GPR107: variants seen among roughly 807,000 people sequenced by gnomAD.
The protein encoded by GPR107 is protein GPR107.
In GPR107, 31 loss-of-function variants were observed where a neutral mutation model predicts 75.5. The ratio of observed to expected loss-of-function variants is 0.41; its 90% CI spans 0.31 to 0.55. The LOEUF (loss-of-function observed/expected upper bound fraction) is 0.55. GPR107 is among the 20% of genes least tolerant of loss of function. The probability of loss-of-function intolerance (pLI) is 0.26; values close to 1 mark genes in which losing one functional copy is unlikely to be tolerated. For missense variants in GPR107, 572 were observed against 665.7 expected (o/e 0.86, Z 1.55); for synonymous variants, 267 against 251.3 (o/e 1.06, Z -0.59).
intron 5 of GPR107, among the ~76,000 whole-genome samples, chr9:130,083,147 C>A (rs1221620788): frequency 1.3e-5 from 2 of 151,796 alleles, no homozygotes; most frequent in Non-Finnish European, 2.9e-5. Flanking sequence ...TCTCAAACTC[C>A]TGACCTCAGG....
intron 14 of GPR107, among the ~76,000 whole-genome samples, chr9:130,117,917 T>A (rs1375560730): frequency 6.6e-6 from 1 of 152,226 alleles, no homozygotes; most frequent in Admixed American, 6.5e-5. Context: ...TACTGCCTGC[T>A]CTTGGGCATC....
In GPR107 at chr9:130,135,080, G is replaced by A. The variant is rs781999434; in HGVS notation, c.1618G>A (p.Gly540Ser). 29 of 1,611,312 alleles carry A rather than the reference G, an allele frequency of 1.8e-5. No homozygotes were observed. The highest frequency in any genetic ancestry group is 2.2e-5 in the South Asian group (2 of 90,962). ...GAAGAAAGTCAAGAAGGTGACCAAC[G>A]GCTCCGTGGAGCCCCAGGGCGAGTG... ...SMKKVKKVTN[G>S]SVEPQGEWEG... Residue 540 changes from glycine to serine, a missense_variant, in exon 18 of 18, where the codon GGC becomes AGC. Physicochemically the swap from Gly to Ser is moderately conservative, Grantham distance 56. Coordinates refer to ENST00000347136, the MANE Select transcript of GPR107 (RefSeq NM_020960.5).
intron 14 of GPR107, among the ~76,000 whole-genome samples, chr9:130,114,029 C>CTTTTTTTTTTTTTTTTTTTTATT (rs60616601): frequency 5.5e-5 from 5 of 90,660 alleles, no homozygotes; most frequent in South Asian, 4.3e-4. Context: ...TCTTCTCATT[C>CTTTTTTTTTTTTTTTTTTTTATT]TTTTTTTTTT....
At chr9:130,069,312 G>A (rs546698801) in intron 1 of GPR107, among the ~76,000 whole-genome samples, 1 of 152,276 alleles carries the variant, frequency 6.6e-6, no homozygotes, top group South Asian at 2.1e-4. Flanking sequence ...GAAATCCTTG[G>A]TGAAACAGGC....
rs782293498 is a variant in GPR107 at position 130,136,754 on chromosome 9, T to C, written c.*1633T>C. The stretch of plus-strand genomic sequence containing the variant: ...TCTTTTTCTGCACTTTGATTCGCCA[T>C]CTGGGTTCTGTAGGGTGCTCTGAAG... On this transcript the variant is annotated 3_prime_UTR_variant, in exon 18 of 18. Coordinates refer to ENST00000347136, the MANE Select transcript of GPR107 (RefSeq NM_020960.5). The C allele has an allele frequency of 6.6e-6, 1 of 152,410 alleles. No individual in the cohort carries two copies. The highest frequency in any genetic ancestry group is 2.1e-4 in the South Asian group (1 of 4,824). 9.4% of individuals were successfully genotyped at this position (152,410 alleles called of 1,614,324 possible).
intron 4 of GPR107, among the ~76,000 whole-genome samples, chr9:130,077,754 A>G (rs1830389104): frequency 6.6e-6 from 1 of 152,166 alleles, no homozygotes; most frequent in East Asian, 1.9e-4. Flanking sequence ...GGTCCACGTA[A>G]TGGCTTCTGC....
chr9:130,060,792 A>G (rs999698451), intron 1 of GPR107, among the ~76,000 whole-genome samples: 3 of 152,088 alleles, frequency 2.0e-5, no homozygotes, highest in Non-Finnish European at 4.4e-5. Flanking sequence ...TAACTCAAAT[A>G]CTCTAGACTT....
chr9:130,096,884 G>A (rs1057004443), intron 9 of GPR107, among the ~76,000 whole-genome samples: 1 of 152,122 alleles, frequency 6.6e-6, no homozygotes, highest in African/African-American at 2.4e-5. Flanking sequence ...TCCTTTCTGC[G>A]ATCTAGCCAT....
chr9:130,080,742 C>G (rs967036774), intron 5 of GPR107, among the ~76,000 whole-genome samples: 1 of 151,652 alleles, frequency 6.6e-6, no homozygotes, highest in African/African-American at 2.4e-5. Flanking sequence ...CCGCCCGCCT[C>G]GGCCTCCCAA....
intron 15 of GPR107, 106 bp from the exon 16 acceptor site, chr9:130,127,373 TTGAG>T (rs1831713813): frequency 1.5e-6 from 1 of 684,806 alleles, no homozygotes; most frequent in African/African-American, 1.7e-5. Flanking sequence ...ATACTTTTCT[TTGAG>T]TGATTCTGTT....
At chr9:130,067,334 T>C (rs1830094287) in intron 1 of GPR107, among the ~76,000 whole-genome samples, 1 of 152,176 alleles carries the variant, frequency 6.6e-6, no homozygotes, top group South Asian at 2.1e-4. Context: ...TGCTAAATAT[T>C]TGATGCTTTT....
At chr9:130,076,370 A>C (rs1732133221) in intron 2 of GPR107, 42 bp from the exon 3 acceptor site, 5 of 1,182,520 alleles carry the variant, frequency 4.2e-6, no homozygotes, top group Non-Finnish European at 6.4e-6. Flanking sequence ...AGTATGGACA[A>C]TTGTGTAGAT....
rs146617112 is a variant in GPR107, at chr9:130,097,958, T to G, written c.864-1499T>G. ...GTGCAATGGCACAGTCACGGCTCAT[T>G]GCAGCCTTTGCCTCCTGGGCTCAAG... On this transcript the variant is annotated intron_variant, in intron 9 of 17. Coordinates refer to ENST00000347136, the MANE Select transcript of GPR107 (RefSeq NM_020960.5). 5.9e-5 allele frequency among the ~76,000 whole-genome samples: 9 copies of G among 151,836 alleles called. No homozygotes were observed. In the East Asian group the frequency reaches 1.7e-3, roughly 29 times the overall value.
In GPR107 at chr9:130,111,852, G is replaced by A. The variant is rs548305785; in HGVS notation, c.1306+4313G>A. ...AAGCTGCCCACTGTCCTTTAGCCGCGTCTTTGTCTCTCCTGTCACGCGCAG... is the reference window on the plus strand; with the variant it reads ...AAGCTGCCCACTGTCCTTTAGCCGCATCTTTGTCTCTCCTGTCACGCGCAG... On this transcript the variant is annotated intron_variant, in intron 14 of 17. Transcript: ENST00000347136. 7.2e-5 allele frequency among the ~76,000 whole-genome samples: 11 copies of A among 152,258 alleles called. No homozygotes were observed. The South Asian group carries it at 1.7e-3, about 23-fold the overall frequency.
At chr9:130,123,684 G>A (rs1831606443) in intron 14 of GPR107, among the ~76,000 whole-genome samples, 1 of 151,628 alleles carries the variant, frequency 6.6e-6, no homozygotes, top group African/African-American at 2.4e-5. Flanking sequence ...GAGACAGGGA[G>A]GGGTTTCATC....
rs1482159575 is a variant in GPR107, at chr9:130,135,248, C to T, written c.*127C>T. On this transcript the variant is annotated 3_prime_UTR_variant, in exon 18 of 18. Transcript: ENST00000347136. ...CCGACAGTGACACCAGGGCACATGG[C>T]TGGAGCACAGTGCCGCGGAAACCTG... The T allele has an allele frequency of 8.5e-6, 5 of 588,594 alleles. No homozygotes were observed. The East Asian group carries it at 1.5e-4, about 17-fold the overall frequency. The allele number at this position is 588,594 out of a possible 1,614,324, so 36.5% of individuals were successfully genotyped here. A position where few individuals can be genotyped will look rare whatever the true frequency, so the allele number is the denominator to read the frequency against.
chr9:130,081,421 C>T (rs1399611290), intron 5 of GPR107, among the ~76,000 whole-genome samples: 1 of 152,068 alleles, frequency 6.6e-6, no homozygotes, highest in Non-Finnish European at 1.5e-5. Context: ...CGCCTGTAAT[C>T]CCAGCACTTT....
chr9:130,118,714 C>T (rs1831482849), intron 14 of GPR107, among the ~76,000 whole-genome samples: 1 of 151,366 alleles, frequency 6.6e-6, no homozygotes, highest in African/African-American at 2.4e-5. Context: ...ATAGCCGGGC[C>T]TGATTCCCTA....
chr9:130,092,801 A>G (rs892422742), intron 9 of GPR107, among the ~76,000 whole-genome samples: 3 of 151,984 alleles, frequency 2.0e-5, no homozygotes, highest in African/African-American at 7.3e-5. Flanking sequence ...TTGTATTTTT[A>G]GTGGTGATGG....
Sources: allele counts gnomAD v4.1 joint callset (sites outside exome capture counted in the v4.1 genomes callset), GRCh38; gene constraint gnomAD v4.1.1; transcripts MANE v1.5; gene names NCBI Gene and HGNC (gene_info 2026-07-23, HGNC 2026-07-21).